The following CTNNA2 variants were observed in gnomAD, a reference collection of about 807,000 sequenced individuals.
CTNNA2 encodes the protein catenin alpha 2.
A neutral mutation model predicts 101.0 loss-of-function variants in CTNNA2; 42 were observed. The observed-to-expected ratio is 0.42, with a 90% CI of 0.32 to 0.54. CTNNA2 has a LOEUF of 0.54. Ranked by LOEUF, CTNNA2 falls within the 20% of genes least tolerant of loss-of-function variation. The probability of loss-of-function intolerance (pLI) is 0.14; values close to 1 mark genes in which losing one functional copy is unlikely to be tolerated. For missense variants in CTNNA2, 871 were observed against 1,223.1 expected (o/e 0.71, Z 4.29); for synonymous variants, 450 against 456.4 (o/e 0.99, Z 0.18).
At chr2:79,712,343 C>G (rs1685792432) in intron 2 of CTNNA2, among the ~76,000 whole-genome samples, 1 of 152,202 alleles carries the variant, frequency 6.6e-6, no homozygotes, top group South Asian at 2.1e-4. Flanking sequence ...AATGGATGTA[C>G]CATTCTTACT....
chr2:79,818,536 C>T (rs1393319046), intron 3 of CTNNA2, among the ~76,000 whole-genome samples: 2 of 151,358 alleles, frequency 1.3e-5, no homozygotes, highest in Non-Finnish European at 2.9e-5. Context: ...AGTCTGGTCT[C>T]GAACTGCTGA....
At chr2:79,986,781 T>A (rs919969377) in intron 7 of CTNNA2, among the ~76,000 whole-genome samples, 2 of 152,152 alleles carry the variant, frequency 1.3e-5, no homozygotes, top group African/African-American at 4.8e-5. Context: ...GTTAGATGGA[T>A]AAGATGGGGT....
At position 79,833,353 on chromosome 2, in the gene CTNNA2, C is replaced by CT. The variant is rs201818357; in HGVS notation, c.299-24652dup. 2.5e-3 allele frequency among the ~76,000 whole-genome samples: 378 copies of CT among 152,090 alleles called. 4 individuals are homozygous for CT. Among genetic ancestry groups the CT allele is most frequent in the African/African-American group, 8.9e-3 (369 of 41,500 alleles). On this transcript the variant is annotated intron_variant, in intron 3 of 18. Coordinates refer to ENST00000402739, the MANE Select transcript of CTNNA2 (RefSeq NM_001282597.3). ...AGGAGTTAGCCTAAGAACTCAATGC[C>CT]TTTTTTTTCTTTCCCTTCACTACAC...
chr2:79,510,848 A>T (rs1671519389), upstream of CTNNA2, among the ~76,000 whole-genome samples: 2 of 152,240 alleles, frequency 1.3e-5, no homozygotes, highest in Admixed American at 1.3e-4. Flanking sequence ...AGTCACTACA[A>T]AACAACAAAC....
At chr2:80,073,983 A>G (rs1698523470) in intron 7 of CTNNA2, among the ~76,000 whole-genome samples, 1 of 152,112 alleles carries the variant, frequency 6.6e-6, no homozygotes, top group Non-Finnish European at 1.5e-5. Context: ...ACCTACGGGT[A>G]TGTAGTGATG....
chr2:79,561,628 T>C (rs1674787548), intron 1 of CTNNA2, among the ~76,000 whole-genome samples: 1 of 151,854 alleles, frequency 6.6e-6, no homozygotes, highest in Non-Finnish European at 1.5e-5. Flanking sequence ...ATAGCCATGG[T>C]AGTGAGTGTG....
chr2:80,398,453 C>T (rs1216100540), intron 8 of CTNNA2, among the ~76,000 whole-genome samples: 1 of 151,948 alleles, frequency 6.6e-6, no homozygotes, highest in Non-Finnish European at 1.5e-5. Flanking sequence ...AGTTTGGAGT[C>T]TAGGTCAGAT....
At chr2:79,673,520 A>G (rs1682983457) in intron 2 of CTNNA2, among the ~76,000 whole-genome samples, 1 of 152,312 alleles carries the variant, frequency 6.6e-6, no homozygotes, top group East Asian at 1.9e-4. Context: ...TAAAAAATTG[A>G]CCTTGGCTAG....
chr2:79,371,717 G>T (rs1181531364), intron 3 of CTNNA2, among the ~76,000 whole-genome samples: 2 of 152,078 alleles, frequency 1.3e-5, no homozygotes, highest in Admixed American at 6.6e-5. Context: ...CAGTTTTATG[G>T]CTAAAAGTTC....
intron 1 of CTNNA2, among the ~76,000 whole-genome samples, chr2:79,543,572 G>A (rs1472586850): frequency 6.6e-6 from 1 of 151,876 alleles, no homozygotes; most frequent in Non-Finnish European, 1.5e-5. Flanking sequence ...CTTTTTTTTA[G>A]TAGCTCCACT....
At chr2:80,553,867 T>G (rs1692793943) in intron 11 of CTNNA2, among the ~76,000 whole-genome samples, 2 of 152,212 alleles carry the variant, frequency 1.3e-5, no homozygotes, top group Admixed American at 1.3e-4. Context: ...TTTAGGTATA[T>G]ACTGTGTTCA....
intron 7 of CTNNA2, among the ~76,000 whole-genome samples, chr2:80,149,836 G>A (rs1703583882): frequency 6.6e-6 from 1 of 150,934 alleles, no homozygotes; most frequent in Non-Finnish European, 1.5e-5. Flanking sequence ...CTTTCTGAAA[G>A]TTTATTAGAC....
intron 7 of CTNNA2, among the ~76,000 whole-genome samples, chr2:80,322,684 G>A (rs1049534777): frequency 1.3e-5 from 2 of 152,126 alleles, no homozygotes; most frequent in Non-Finnish European, 2.9e-5. Flanking sequence ...TGTGTGGGGA[G>A]ATGGGTGCCA....
intron 7 of CTNNA2, among the ~76,000 whole-genome samples, chr2:80,143,727 T>G (rs1425638555): frequency 1.3e-5 from 2 of 151,938 alleles, no homozygotes; most frequent in African/African-American, 4.8e-5. Flanking sequence ...CAGCCCTAAG[T>G]GTAACTTGAA....
intron 15 of CTNNA2, among the ~76,000 whole-genome samples, chr2:80,600,397 CTG>C (rs1178112662): frequency 1.3e-5 from 2 of 151,544 alleles, no homozygotes; most frequent in East Asian, 3.9e-4. Flanking sequence ...ATTTTAAAAA[CTG>C]TAAAAAAAAG....
intron 1 of CTNNA2, among the ~76,000 whole-genome samples, chr2:79,616,412 C>T (rs535067244): frequency 2.6e-5 from 4 of 152,190 alleles, no homozygotes; most frequent in Admixed American, 1.3e-4. Context: ...TCACTATTTA[C>T]GGTAGAGAAA....
intron 3 of CTNNA2, among the ~76,000 whole-genome samples, chr2:79,832,852 C>T (rs1239583299): frequency 6.6e-6 from 1 of 152,174 alleles, no homozygotes; most frequent in Non-Finnish European, 1.5e-5. Flanking sequence ...AACAGTATAT[C>T]CAGACAGTTC....
chr2:80,290,242 A>G (rs1225077460), intron 7 of CTNNA2, among the ~76,000 whole-genome samples: 1 of 152,186 alleles, frequency 6.6e-6, no homozygotes, highest in Admixed American at 6.5e-5. Context: ...TTTTTAGTAC[A>G]TCATGAGGCC....
rs149076633 is a variant in CTNNA2 at position 80,038,688 on chromosome 2, G to A, written c.1056+128891G>A. Among the ~76,000 whole-genome samples, 412 of 152,116 alleles carry A rather than the reference G, an allele frequency of 2.7e-3. 3 individuals are homozygous for A. The highest frequency in any genetic ancestry group is 8.8e-3 in the African/African-American group (367 of 41,522). The stretch of plus-strand genomic sequence containing the variant: ...TGGTGAAACCCCGTCTCTACTAAAA[G>A]TACAAAAGTTAGCCAGGCTTGGTGG... On this transcript the variant is annotated intron_variant, in intron 7 of 18. Transcript: ENST00000402739.
Sources: gnomAD v4.1 joint callset for allele counts (sites outside exome capture counted in the v4.1 genomes callset) on GRCh38, gnomAD v4.1.1 for gene constraint, MANE v1.5 for transcripts, NCBI Gene and HGNC (gene_info 2026-07-23, HGNC 2026-07-21) for gene names.